RAPGEF4: variants seen among roughly 807,000 people sequenced by gnomAD.
RAPGEF4 encodes the protein Rap guanine nucleotide exchange factor 4.
A neutral mutation model predicts 147.9 loss-of-function variants in RAPGEF4; 66 were observed. The ratio of observed to expected loss-of-function variants is 0.45; its 90% CI spans 0.37 to 0.55. RAPGEF4 has a LOEUF of 0.55. Ranked by LOEUF, RAPGEF4 falls within the 20% of genes least tolerant of loss-of-function variation. The probability of loss-of-function intolerance (pLI) is 0.00; values close to 1 mark genes in which losing one functional copy is unlikely to be tolerated. For synonymous variants in RAPGEF4, 419 were observed against 442.7 expected, an observed-to-expected ratio of 0.95 and a Z score of 0.67; for missense variants, 1,071 against 1,257.3, an observed-to-expected ratio of 0.85 and a Z score of 2.24.
At position 173,026,619 on chromosome 2, in the gene RAPGEF4, T is replaced by C. The variant is rs1184500509; in HGVS notation, c.2301T>C (p.Thr767=). The stretch of plus-strand genomic sequence containing the variant: ...GCCCAACTGTTGGAACAGTGGGAAC[T>C]TTTGAACTGATGAGCTCCAAAGATT... ...QEGPTVGTVG[T]FELMSSKDLA... The change falls in exon 24 of 31, where the codon ACT becomes ACC. Residue 767 remains threonine (T), a synonymous_variant. Coordinates refer to ENST00000397081, the MANE Select transcript of RAPGEF4 (RefSeq NM_007023.4). 2 of 1,613,884 alleles carry C rather than the reference T, an allele frequency of 1.2e-6. No individual in the cohort carries two copies. The highest frequency in any genetic ancestry group is 1.7e-6 in the Non-Finnish European group (2 of 1,179,860).
chr2:172,799,773 CGAGAAGGAGA>C lies in RAPGEF4; in HGVS notation c.297+2171_297+2180del, dbSNP rs368257061. Among the ~76,000 whole-genome samples, 389 of 152,166 alleles carry C rather than the reference CGAGAAGGAGA, an allele frequency of 2.6e-3. 4 individuals are homozygous for C. The highest frequency in any genetic ancestry group is 8.9e-3 in the African/African-American group (368 of 41,514). Reference sequence around the variant, plus strand: ...GGAGAAAAGAAAGAAGAGGAAATCTCGAGAAGGAGAGAGAAGGAGAATCAGAAAAGGAAGA... The same window carrying C: ...GGAGAAAAGAAAGAAGAGGAAATCTCGAGAAGGAGAATCAGAAAAGGAAGA... On this transcript the variant is annotated intron_variant, in intron 3 of 30. Coordinates refer to ENST00000397081, the MANE Select transcript of RAPGEF4 (RefSeq NM_007023.4).
chr2:172,812,534 T>G (rs1688123249), intron 3 of RAPGEF4, among the ~76,000 whole-genome samples: 1 of 152,206 alleles, frequency 6.6e-6, no homozygotes, highest in Admixed American at 6.5e-5. Context: ...TATTTCCTTG[T>G]GTACTGTTTG....
At chr2:172,986,753 G>A (rs1240697889) in intron 12 of RAPGEF4, among the ~76,000 whole-genome samples, 1 of 151,322 alleles carries the variant, frequency 6.6e-6, no homozygotes, top group African/African-American at 2.4e-5. Context: ...GAGTGCAGTG[G>A]CACAACCTTG....
At position 172,959,253 on chromosome 2, in the gene RAPGEF4, A is replaced by G. The variant is rs989432317; in HGVS notation, c.538-1507A>G. 2.0e-5 allele frequency among the ~76,000 whole-genome samples: 3 copies of G among 152,168 alleles called. 1 individual carries two copies. The highest frequency in any genetic ancestry group is 4.1e-4 in the South Asian group (2 of 4,824). On this transcript the variant is annotated intron_variant, in intron 6 of 30. Transcript: ENST00000397081. ...CGTTCATCTGGAAGTTCTAGGGGAA[A>G]TCTCTTTTGTTTGTTTTTCTCCTTT...
At chr2:172,920,877 T>C (rs1302875433) in intron 5 of RAPGEF4, among the ~76,000 whole-genome samples, 1 of 152,154 alleles carries the variant, frequency 6.6e-6, no homozygotes, top group Non-Finnish European at 1.5e-5. Context: ...AGGCCATCCT[T>C]CCTCTTTCTG....
chr2:172,811,339 T>C (rs1688002824), intron 3 of RAPGEF4, among the ~76,000 whole-genome samples: 1 of 152,242 alleles, frequency 6.6e-6, no homozygotes. Flanking sequence ...TTTTTAAATC[T>C]TTACTTCCCT....
At chr2:172,745,506 A>G (rs1470630324) in intron 1 of RAPGEF4, among the ~76,000 whole-genome samples, 1 of 152,028 alleles carries the variant, frequency 6.6e-6, no homozygotes, top group Non-Finnish European at 1.5e-5. Flanking sequence ...TAATATTTTA[A>G]AAGAAACAAC....
At chr2:172,940,846 A>G (rs1444621817) in intron 6 of RAPGEF4, among the ~76,000 whole-genome samples, 1 of 152,164 alleles carries the variant, frequency 6.6e-6, no homozygotes, top group Non-Finnish European at 1.5e-5. Flanking sequence ...ATTGAGTCTG[A>G]TAATTTATGA....
At chr2:172,965,796 G>A in intron 9 of RAPGEF4, 113 bp downstream of exon 9, 2 of 1,339,094 alleles carry the variant, frequency 1.5e-6, no homozygotes, top group East Asian at 2.3e-5. Context: ...TCCCTTTAGG[G>A]ACCTGCAGAG....
At chr2:172,945,524 C>A (rs1687595536) in intron 6 of RAPGEF4, among the ~76,000 whole-genome samples, 1 of 151,846 alleles carries the variant, frequency 6.6e-6, no homozygotes, top group African/African-American at 2.4e-5. Context: ...AGAAAAAAGT[C>A]TTTTACAATT....
Position 173,020,391 on chromosome 2 carries a change from G to C in RAPGEF4, c.2156-227G>C, listed in dbSNP as rs146800049. Among the ~76,000 whole-genome samples the C allele has an allele frequency of 7.1e-3, 1,082 of 152,286 alleles. 17 individuals carry two copies. Among genetic ancestry groups the C allele is most frequent in the African/African-American group, 0.024 (999 of 41,546 alleles). On this transcript the variant is annotated intron_variant, in intron 22 of 30. Transcript: ENST00000397081. ...ACAAAACTGGGTGAATTGACCCTCT[G>C]GCATCTCTATTCCTTTTTGTGGCCA... is the stretch of plus-strand genomic sequence containing the variant.
At chr2:172,774,610 G>A (rs1406838087) in intron 1 of RAPGEF4, among the ~76,000 whole-genome samples, 1 of 152,132 alleles carries the variant, frequency 6.6e-6, no homozygotes, top group African/African-American at 2.4e-5. Context: ...TGGAAGAAAG[G>A]GGCTCTCTAT....
At chr2:172,833,692 C>A (rs1574983422) in intron 4 of RAPGEF4, among the ~76,000 whole-genome samples, 2 of 152,142 alleles carry the variant, frequency 1.3e-5, no homozygotes, top group Non-Finnish European at 2.9e-5. Context: ...TTTTGCCATA[C>A]GCATTAAAAT....
In RAPGEF4 at chr2:172,968,938, T is replaced by A. The variant is rs552861644; in HGVS notation, c.1004+1494T>A. On this transcript the variant is annotated intron_variant, in intron 10 of 30. Transcript: ENST00000397081. ...ATCATTTCCTGGGTCCATCCCCTTT[T>A]TGCTGTCCTCCTTGCTGCCACCTGC... 2.2e-4 allele frequency among the ~76,000 whole-genome samples: 34 copies of A among 152,330 alleles called. No individual in the cohort carries two copies. In the East Asian group the frequency reaches 6.0e-3, roughly 27 times the overall value.
chr2:173,037,472 G>C lies in RAPGEF4; in HGVS notation c.2853+780G>C, dbSNP rs75512484. 6.6e-5 allele frequency among the ~76,000 whole-genome samples: 10 copies of C among 152,288 alleles called. No individual in the cohort carries two copies. The South Asian group carries it at 1.4e-3, about 22-fold the overall frequency. On this transcript the variant is annotated intron_variant, in intron 29 of 30. Coordinates refer to ENST00000397081, the MANE Select transcript of RAPGEF4 (RefSeq NM_007023.4). ...TCCTCCTAGTCCTTACTCCTAGCGG[G>C]GGGGAAAGCAAGGTTATCTGGCTTA... is the stretch of plus-strand genomic sequence containing the variant.
chr2:172,920,133 A>G (rs1684584949), intron 5 of RAPGEF4, among the ~76,000 whole-genome samples: 1 of 152,084 alleles, frequency 6.6e-6, no homozygotes, highest in Non-Finnish European at 1.5e-5. Flanking sequence ...TACAGTTAAC[A>G]CCCTTATTTT....
In RAPGEF4 at chr2:172,985,309, G is replaced by A. The variant is rs1692129131; in HGVS notation, c.1090-124G>A. 7.8e-6 allele frequency: 10 copies of A among 1,287,206 alleles called. No individual in the cohort carries two copies. The South Asian group carries it at 1.1e-4, about 15-fold the overall frequency. The allele number at this position is 1,287,206 out of a possible 1,614,324, so 79.7% of individuals were successfully genotyped here. Reference sequence around the variant, plus strand: ...TTTAGATGAGAGCAGCAGCAAGAGAGGTGAGAGATGACTGCATGGGAAGCC... The same window carrying A: ...TTTAGATGAGAGCAGCAGCAAGAGAAGTGAGAGATGACTGCATGGGAAGCC... On this transcript the variant is annotated intron_variant, in intron 11 of 30. Transcript: ENST00000397081.
intron 17 of RAPGEF4, among the ~76,000 whole-genome samples, chr2:173,005,546 CAG>C (rs1317149592): frequency 2.3e-4 from 13 of 56,082 alleles, no homozygotes; most frequent in African/African-American, 1.2e-3. Flanking sequence ...TTTTTTGAGA[CAG>C]AGTCTTGCTC....
Position 172,783,214 on chromosome 2 carries a change from G to A in RAPGEF4, c.66-11811G>A, listed in dbSNP as rs191772813. 4.6e-5 allele frequency among the ~76,000 whole-genome samples: 7 copies of A among 152,190 alleles called. No homozygotes were observed. The South Asian group carries it at 8.3e-4, about 18-fold the overall frequency. ...AGATGTGGCATCTTATTCATCCATC[G>A]GCCGAGGACAGAGTGAGGACAGAGT... On this transcript the variant is annotated intron_variant, in intron 1 of 30. Coordinates refer to ENST00000397081, the MANE Select transcript of RAPGEF4 (RefSeq NM_007023.4).
Sources: allele counts gnomAD v4.1 joint callset (sites outside exome capture counted in the v4.1 genomes callset), GRCh38; gene constraint gnomAD v4.1.1; transcripts MANE v1.5; gene names NCBI Gene and HGNC (gene_info 2026-07-23, HGNC 2026-07-21).